The following RALGAPA1 variants were observed in gnomAD, a reference collection of about 807,000 sequenced individuals.
RALGAPA1 encodes Ral GTPase activating protein catalytic subunit alpha 1, also known as ral GTPase-activating protein subunit alpha-1.
A neutral mutation model predicts 269.6 loss-of-function variants in RALGAPA1; 52 were observed. That is an observed-to-expected ratio of 0.19 (90% CI 0.15 to 0.24). RALGAPA1 has a LOEUF of 0.24. Ranked by LOEUF, RALGAPA1 falls within the 10% of genes least tolerant of loss-of-function variation. The pLI is 1.00. For missense variants in RALGAPA1, 1,917 were observed against 3,013.9 expected (o/e 0.64, Z 8.52); for synonymous variants, 817 against 1,008.3 (o/e 0.81, Z 3.60).
chr14:35,642,610 T>C (rs985959485), intron 31 of RALGAPA1, among the ~76,000 whole-genome samples: 2 of 152,124 alleles, frequency 1.3e-5, no homozygotes, highest in African/African-American at 4.8e-5. Flanking sequence ...CTCACCTCAG[T>C]TAAAACGGGT....
intron 7 of RALGAPA1, among the ~76,000 whole-genome samples, chr14:35,756,050 C>T (rs955725316): frequency 1.3e-5 from 2 of 152,174 alleles, no homozygotes; most frequent in Non-Finnish European, 2.9e-5. Context: ...ATCCTGCAGC[C>T]TACCTCCCTA....
At chr14:35,762,636 G>C in intron 5 of RALGAPA1, 74 bp downstream of exon 5, 1 of 854,590 alleles carries the variant, frequency 1.2e-6, no homozygotes, top group Non-Finnish European at 2.0e-6. Flanking sequence ...AGCTTAGGTA[G>C]GAAAAGTGTT....
At chr14:35,761,158 C>T (rs2073667064) in intron 5 of RALGAPA1, 152 bp from the exon 6 acceptor site, 1 of 534,884 alleles carries the variant, frequency 1.9e-6, no homozygotes, top group African/African-American at 1.9e-5. Flanking sequence ...AGAGAGACAG[C>T]ATCTATTGAA....
chr14:35,671,352 A>C (rs1462669417), intron 26 of RALGAPA1, 37 bp downstream of exon 26: 1 of 1,524,228 alleles, frequency 6.6e-7, no homozygotes, highest in Non-Finnish European at 8.8e-7. Flanking sequence ...ATCCTGGCTA[A>C]AGTTTGTTAT....
chr14:35,648,407 A>G (rs372436211), intron 31 of RALGAPA1, among the ~76,000 whole-genome samples: 31 of 151,610 alleles, frequency 2.0e-4, no homozygotes, highest in Middle Eastern at 3.4e-3. Flanking sequence ...CGGAGATTGC[A>G]GTGAGCCGAG....
chr14:35,742,106 A>G (rs1395857856), intron 11 of RALGAPA1, among the ~76,000 whole-genome samples: 3 of 152,230 alleles, frequency 2.0e-5, no homozygotes, highest in African/African-American at 7.2e-5. Flanking sequence ...CCTTTATAAC[A>G]GTACCTAATT....
chr14:35,656,803 T>G (rs1481674538), intron 28 of RALGAPA1, among the ~76,000 whole-genome samples: 20 of 152,164 alleles, frequency 1.3e-4, no homozygotes, highest in Admixed American at 1.3e-3. Context: ...CCTGAAAGTC[T>G]TCTAGATGAA....
intron 22 of RALGAPA1, chr14:35,677,269 C>T (rs1264890684): frequency 6.6e-6 from 1 of 152,206 alleles, no homozygotes; most frequent in African/African-American, 2.4e-5. Flanking sequence ...GCTACCTTAT[C>T]AATGAAAACT....
Position 35,674,689 on chromosome 14 carries a change from C to G in RALGAPA1, c.4645G>C (p.Glu1549Gln), listed in dbSNP as rs956550026. Residue 1549 changes from glutamate to glutamine, a missense_variant, in exon 23 of 42, where the codon GAA (glutamate) becomes CAA (glutamine). Physicochemically the swap from Glu to Gln is conservative, Grantham distance 29. Transcript: ENST00000680220. ...DDLEISEFPS[E>Q]CCSVMAGGTL... is the part of the protein sequence containing the mutation. The stretch of plus-strand genomic sequence containing the variant: ...CCTCCTGCCATCACACTACAACATT[C>G]TGATGGAAATTCACTAATTTCTATA... The G allele has an allele frequency of 1.9e-6, 3 of 1,542,848 alleles. No individual in the cohort carries two copies. Among genetic ancestry groups the G allele is most frequent in the Non-Finnish European group, 2.7e-6 (3 of 1,125,634 alleles).
At chr14:35,540,912 A>C (rs982324686) in intron 41 of RALGAPA1, among the ~76,000 whole-genome samples, 1 of 152,232 alleles carries the variant, frequency 6.6e-6, no homozygotes, top group Non-Finnish European at 1.5e-5. Context: ...TTTCATATCT[A>C]TGAAATGTTT....
At chr14:35,778,215 A>C (rs1005721102) in intron 1 of RALGAPA1, among the ~76,000 whole-genome samples, 1 of 151,748 alleles carries the variant, frequency 6.6e-6, no homozygotes, top group Non-Finnish European at 1.5e-5. Context: ...TCTCCCCACC[A>C]CACCTAGCTA....
At chr14:35,596,590 C>T (rs2139027826) in intron 36 of RALGAPA1, among the ~76,000 whole-genome samples, 1 of 152,200 alleles carries the variant, frequency 6.6e-6, no homozygotes, top group East Asian at 1.9e-4. Flanking sequence ...GAACTGAACA[C>T]ATGTCAAATA....
In RALGAPA1 at chr14:35,611,070, G is replaced by A. The variant is rs529198581; in HGVS notation, c.6930-5361C>T. 5.3e-5 allele frequency among the ~76,000 whole-genome samples: 8 copies of A among 152,294 alleles called. No individual in the cohort carries two copies. In the East Asian group the frequency reaches 1.5e-3, roughly 29 times the overall value. On this transcript the variant is annotated intron_variant, in intron 35 of 41. Transcript: ENST00000680220. ...CCCCAAACTGATCTACAGATTTAAT[G>A]TAATCCCTATCAAAATCCCAGCTGC...
chr14:35,625,320 C>T lies in RALGAPA1; in HGVS notation c.6929+41G>A, dbSNP rs774711505. ...CAGTATTATTCTAAAAGAGAAATAC[C>T]TGAGAGTTGCTAGTTATGTGAAGAT... On this transcript the variant is annotated intron_variant, in intron 35 of 41. Coordinates refer to ENST00000680220, the MANE Select transcript of RALGAPA1 (RefSeq NM_001346249.2). 11 of 1,282,324 alleles carry T rather than the reference C, an allele frequency of 8.6e-6. No homozygotes were observed. The African/African-American group carries it at 1.0e-4, about 12-fold the overall frequency. The allele number at this position is 1,282,324 out of a possible 1,614,324, so 79.4% of individuals were successfully genotyped here. A position where few individuals can be genotyped will look rare whatever the true frequency, so the allele number is the denominator to read the frequency against.
At chr14:35,625,596 C>G (rs967742400) in intron 34 of RALGAPA1, among the ~76,000 whole-genome samples, 164 bp from the exon 35 acceptor site, 1 of 152,144 alleles carries the variant, frequency 6.6e-6, no homozygotes. Flanking sequence ...AAAGAATATA[C>G]GTCATTATTT....
intron 7 of RALGAPA1, among the ~76,000 whole-genome samples, chr14:35,753,884 C>A (rs759778836): frequency 2.6e-5 from 4 of 152,062 alleles, no homozygotes; most frequent in African/African-American, 7.2e-5. Flanking sequence ...CATTTGGTAA[C>A]CCGCGTAATT....
At chr14:35,550,047 T>C (rs1039313334) in intron 39 of RALGAPA1, among the ~76,000 whole-genome samples, 1 of 152,234 alleles carries the variant, frequency 6.6e-6, no homozygotes, top group African/African-American at 2.4e-5. Context: ...TGAAGCGTTG[T>C]TGCTTTTGAA....
chr14:35,682,282 A>G (rs2065506998), intron 21 of RALGAPA1, among the ~76,000 whole-genome samples: 1 of 151,582 alleles, frequency 6.6e-6, no homozygotes, highest in Non-Finnish European at 1.5e-5. Flanking sequence ...ACTCATTTCA[A>G]CACTTTGGAT....
chr14:35,746,562 G>A (rs1025574696), intron 10 of RALGAPA1, among the ~76,000 whole-genome samples: 1 of 152,038 alleles, frequency 6.6e-6, no homozygotes, highest in Non-Finnish European at 1.5e-5. Flanking sequence ...CCTCAATAAA[G>A]TTGGGAAAAC....
Sources: gnomAD v4.1 joint callset for allele counts (sites outside exome capture counted in the v4.1 genomes callset) on GRCh38, gnomAD v4.1.1 for gene constraint, MANE v1.5 for transcripts, NCBI Gene and HGNC (gene_info 2026-07-23, HGNC 2026-07-21) for gene names.